Variants in LARGE1 observed in about 807,000 individuals in gnomAD.
The protein encoded by LARGE1 is xylosyl- and glucuronyltransferase LARGE1.
LARGE1 carries 43 observed loss-of-function variants against 87.6 expected under a neutral mutation model. The observed-to-expected ratio is 0.49, with a 90% confidence interval of 0.38 to 0.63. LARGE1 has a LOEUF of 0.63. LARGE1 is among the 30% of genes least tolerant of loss of function. The probability of loss-of-function intolerance (pLI) is 0.00; values close to 1 mark genes in which losing one functional copy is unlikely to be tolerated. For missense variants in LARGE1, 802 were observed against 1,000.2 expected (o/e 0.80, Z 2.67); for synonymous variants, 434 against 394.6 (o/e 1.10, Z -1.18).
intron 2 of LARGE1, among the ~76,000 whole-genome samples, chr22:33,656,326 G>A (rs2080959845): frequency 1.3e-5 from 2 of 152,074 alleles, no homozygotes; most frequent in African/African-American, 4.8e-5. Context: ...AGCGAAAGGG[G>A]TTTCCCTTAT....
chr22:33,109,054 C>T, the LARGE1 span: 1 of 152,042 alleles, frequency 6.6e-6, no homozygotes, highest in Non-Finnish European at 1.5e-5. Context: ...AATGTCTGTC[C>T]AATACATTGT....
intron 9 of LARGE1, among the ~76,000 whole-genome samples, chr22:33,364,867 T>TG (rs35609100): frequency 0.076 from 11,528 of 151,978 alleles, 511 homozygotes; most frequent in South Asian, 0.14. Context: ...GGCTAATTTT[T>TG]TATTTTTTGT....
At chr22:33,104,889 C>CTCTCTCTTTCTTTCTTTCTTTCTT in the LARGE1 span, among the ~76,000 whole-genome samples, 4 of 89,232 alleles carry the variant, frequency 4.5e-5, no homozygotes, top group East Asian at 5.0e-4. Context: ...GACTTTCTCT[C>CTCTCTCTTTCTTTCTTTCTTTCTT]TCTTTCTTTC....
intron 2 of LARGE1, among the ~76,000 whole-genome samples, chr22:33,714,798 C>G (rs1165840499): frequency 1.3e-5 from 2 of 152,174 alleles, no homozygotes; most frequent in Non-Finnish European, 2.9e-5. Flanking sequence ...TCCATGTACC[C>G]TAAATTCCAA....
At chr22:33,557,443 A>T (rs1602419254) in intron 6 of LARGE1, among the ~76,000 whole-genome samples, 1 of 152,200 alleles carries the variant, frequency 6.6e-6, no homozygotes, top group African/African-American at 2.4e-5. Context: ...ATAATGGAAG[A>T]GGTCATCAAA....
At chr22:33,741,740 G>C (rs769970683) in intron 2 of LARGE1, among the ~76,000 whole-genome samples, 1 of 152,230 alleles carries the variant, frequency 6.6e-6, no homozygotes, top group Non-Finnish European at 1.5e-5. Flanking sequence ...AGAAAGCACA[G>C]GCCAAGCGCC....
chr22:33,207,550 G>A lies in LARGE1; in HGVS notation c.1731-40718C>T, dbSNP rs560570498. Among the ~76,000 whole-genome samples the A allele has an allele frequency of 3.9e-5, 6 of 152,262 alleles. No individual in the cohort carries two copies. In the East Asian group the frequency reaches 1.2e-3, roughly 29 times the overall value. On this transcript the variant is annotated intron_variant, in intron 11 of 11. Coordinates refer to the LARGE1 transcript ENST00000608642. The stretch of plus-strand genomic sequence containing the variant: ...CAGATTACTTGCAGGTAGGAGGGAG[G>A]AGCACTGGCAAGACAAGCTCGATAC...
At chr22:33,530,843 T>C (rs940970451) in intron 6 of LARGE1, among the ~76,000 whole-genome samples, 5 of 152,226 alleles carry the variant, frequency 3.3e-5, no homozygotes, top group Non-Finnish European at 5.9e-5. Flanking sequence ...ATGTAATTAT[T>C]TGGTTATCTA....
At chr22:33,216,597 C>CA (rs71673655) in intron 11 of LARGE1, among the ~76,000 whole-genome samples, 29,458 of 122,270 alleles carry the variant, frequency 0.24, 3,398 homozygotes, top group South Asian at 0.4. Context: ...CACTCCATCT[C>CA]AAAAAAAAAA....
At chr22:33,415,843 T>C (rs1330459029) in intron 7 of LARGE1, among the ~76,000 whole-genome samples, 2 of 152,120 alleles carry the variant, frequency 1.3e-5, no homozygotes, top group Admixed American at 1.3e-4. Context: ...GGGCGGTTTC[T>C]CCTGAGGGCC....
At chr22:33,100,458 C>T in the LARGE1 span, among the ~76,000 whole-genome samples, 1 of 151,738 alleles carries the variant, frequency 6.6e-6, no homozygotes, top group Admixed American at 6.6e-5. Context: ...CACATGTGGC[C>T]CAAGAGTGTA....
At position 33,774,958 on chromosome 22, in the gene LARGE1, G is replaced by A. The variant is rs147334209; in HGVS notation, c.-82-13400C>T. ...GGCAGACAGCCCAGGAAGCTTTGCCGTAATACAGGCTGGATAAATAGCAGC... is the reference window on the plus strand; with the variant it reads ...GGCAGACAGCCCAGGAAGCTTTGCCATAATACAGGCTGGATAAATAGCAGC... On this transcript the variant is annotated intron_variant, in intron 1 of 14. Coordinates refer to ENST00000397394, the MANE Select transcript of LARGE1 (RefSeq NM_133642.5). Among the ~76,000 whole-genome samples, 378 of 152,230 alleles carry A rather than the reference G, an allele frequency of 2.5e-3. 3 individuals are homozygous for A. Among genetic ancestry groups the A allele is most frequent in the African/African-American group, 8.3e-3 (346 of 41,532 alleles).
At chr22:33,827,479 C>T (rs2062833648) in intron 1 of LARGE1, among the ~76,000 whole-genome samples, 1 of 152,162 alleles carries the variant, frequency 6.6e-6, no homozygotes, top group African/African-American at 2.4e-5. Flanking sequence ...AAAAATGAGA[C>T]ACATCTTTAC....
chr22:33,633,199 T>C (rs570701587), intron 3 of LARGE1, among the ~76,000 whole-genome samples: 1 of 152,112 alleles, frequency 6.6e-6, no homozygotes, highest in African/African-American at 2.4e-5. Context: ...GGCAATTTGA[T>C]AGTTAACCAG....
intron 6 of LARGE1, among the ~76,000 whole-genome samples, chr22:33,500,998 G>T (rs538407357): frequency 6.6e-6 from 1 of 152,312 alleles, no homozygotes; most frequent in South Asian, 2.1e-4. Flanking sequence ...AGACTGGGTG[G>T]AGGTGCGGGC....
chr22:33,384,463 T>TG (rs1304618028), intron 7 of LARGE1, among the ~76,000 whole-genome samples, 159 bp from the exon 8 acceptor site: 1 of 125,850 alleles, frequency 7.9e-6, no homozygotes, highest in South Asian at 3.6e-4. Context: ...CTCTAAAAAT[T>TG]CTTCCAATGA....
At chr22:33,821,351 T>C (rs1216252307) in intron 1 of LARGE1, among the ~76,000 whole-genome samples, 1 of 152,070 alleles carries the variant, frequency 6.6e-6, no homozygotes, top group Non-Finnish European at 1.5e-5. Context: ...AAAAAAAAGC[T>C]TGGAACAGTG....
At chr22:33,122,560 T>C in the LARGE1 span, among the ~76,000 whole-genome samples, 2 of 152,132 alleles carry the variant, frequency 1.3e-5, no homozygotes, top group African/African-American at 2.4e-5. Context: ...GGTTTCTCCA[T>C]GTTGGTCAGG....
chr22:33,161,330 C>A (rs1026337801), downstream of LARGE1, among the ~76,000 whole-genome samples: 6 of 152,166 alleles, frequency 3.9e-5, no homozygotes, highest in Admixed American at 2.0e-4. Flanking sequence ...ATTCTGCCCC[C>A]GGCCCCTCCC....
Sources: allele counts gnomAD v4.1 joint callset (sites outside exome capture counted in the v4.1 genomes callset), GRCh38; gene constraint gnomAD v4.1.1; transcripts MANE v1.5; gene names NCBI Gene and HGNC (gene_info 2026-07-23, HGNC 2026-07-21).